The following LRRC4C variants were observed in gnomAD, a reference collection of about 807,000 sequenced individuals.
LRRC4C encodes the protein leucine rich repeat containing 4C.
LRRC4C carries 5 observed loss-of-function variants against 33.6 expected under a neutral mutation model. That is an observed-to-expected ratio of 0.15 (90% CI 0.08 to 0.31). The LOEUF is 0.31. Ranked by LOEUF, LRRC4C falls within the 10% of genes least tolerant of loss-of-function variation. The probability of loss-of-function intolerance (pLI) is 1.00; values close to 1 mark genes in which losing one functional copy is unlikely to be tolerated. For missense variants in LRRC4C, 560 were observed against 796.7 expected (o/e 0.70, Z 3.58); for synonymous variants, 329 against 302.0 (o/e 1.09, Z -0.93).
At chr11:40,635,627 A>AT (rs1963879177) in intron 3 of LRRC4C, among the ~76,000 whole-genome samples, 9 of 133,410 alleles carry the variant, frequency 6.7e-5, no homozygotes, top group Admixed American at 2.6e-4. Flanking sequence ...AAAAGAACCA[A>AT]ATTTTTTTTT....
intron 2 of LRRC4C, among the ~76,000 whole-genome samples, chr11:40,857,838 C>T (rs915532909): frequency 6.6e-6 from 1 of 151,836 alleles, no homozygotes; most frequent in African/African-American, 2.4e-5. Context: ...TTGCTTGAGC[C>T]CAGGAGGTCG....
At chr11:40,360,427 A>G (rs1947895543) in intron 3 of LRRC4C, among the ~76,000 whole-genome samples, 1 of 152,216 alleles carries the variant, frequency 6.6e-6, no homozygotes, top group East Asian at 1.9e-4. Flanking sequence ...ACGGATCAAT[A>G]GAAAGTAGCA....
intron 2 of LRRC4C, among the ~76,000 whole-genome samples, chr11:40,671,524 A>T (rs1006299035): frequency 6.6e-6 from 1 of 152,048 alleles, no homozygotes; most frequent in Non-Finnish European, 1.5e-5. Context: ...ATCATTGGCC[A>T]TCTTTCACTT....
chr11:41,366,178 CTAGATAGA>C (rs937740931), intron 1 of LRRC4C, among the ~76,000 whole-genome samples: 5 of 142,240 alleles, frequency 3.5e-5, no homozygotes, highest in Non-Finnish European at 3.0e-5. Context: ...GTTTATATAT[CTAGATAGA>C]TAGATAGATA....
At chr11:41,077,211 T>A (rs1469329870) in intron 1 of LRRC4C, among the ~76,000 whole-genome samples, 2 of 152,054 alleles carry the variant, frequency 1.3e-5, no homozygotes, top group East Asian at 3.9e-4. Flanking sequence ...CATTCTGGGG[T>A]CTTGAGGATG....
chr11:40,608,223 C>T (rs1256417798), intron 3 of LRRC4C, among the ~76,000 whole-genome samples: 1 of 152,066 alleles, frequency 6.6e-6, no homozygotes, highest in Non-Finnish European at 1.5e-5. Context: ...ATATTCAAAG[C>T]TGTAATTCGT....
intron 1 of LRRC4C, among the ~76,000 whole-genome samples, chr11:41,106,108 A>C (rs959280835): frequency 1.3e-5 from 2 of 152,088 alleles, no homozygotes; most frequent in Non-Finnish European, 2.9e-5. Context: ...TTCTTATTCA[A>C]TGTACTGTAA....
intron 3 of LRRC4C, among the ~76,000 whole-genome samples, chr11:40,579,323 T>TA (rs112873928): frequency 0.19 from 26,858 of 143,656 alleles, 2,760 homozygotes; most frequent in African/African-American, 0.28. Context: ...GAGACTCTGT[T>TA]AAAAAAAAAA....
chr11:40,272,564 T>G (rs756767810), intron 4 of LRRC4C, among the ~76,000 whole-genome samples: 25 of 152,098 alleles, frequency 1.6e-4, no homozygotes, highest in Non-Finnish European at 7.4e-5. Context: ...GGCAACTTTT[T>G]GTTAGTTTGT....
intron 1 of LRRC4C, among the ~76,000 whole-genome samples, chr11:41,438,712 T>A (rs1258509936): frequency 6.6e-6 from 1 of 152,160 alleles, no homozygotes; most frequent in Non-Finnish European, 1.5e-5. Flanking sequence ...GCTTTTCCAA[T>A]CTTATCACCA....
intron 1 of LRRC4C, among the ~76,000 whole-genome samples, chr11:41,075,046 G>GT (rs59948632): frequency 0.02 from 1,062 of 52,334 alleles, 11 homozygotes; most frequent in East Asian, 0.061. Context: ...TATTTTTAAT[G>GT]TTTTTTTTTT....
intron 2 of LRRC4C, among the ~76,000 whole-genome samples, chr11:40,859,671 T>C (rs1953977000): frequency 6.6e-6 from 1 of 152,174 alleles, no homozygotes; most frequent in South Asian, 2.1e-4. Flanking sequence ...GCAGAATTTT[T>C]CACACTCGCC....
At chr11:40,369,555 C>G (rs1948361155) in intron 3 of LRRC4C, among the ~76,000 whole-genome samples, 1 of 152,190 alleles carries the variant, frequency 6.6e-6, no homozygotes, top group Non-Finnish European at 1.5e-5. Context: ...TCAGGCTGGT[C>G]TCGAACTCCT....
At chr11:41,141,008 A>G (rs1943479812) in intron 1 of LRRC4C, among the ~76,000 whole-genome samples, 1 of 152,164 alleles carries the variant, frequency 6.6e-6, no homozygotes, top group Admixed American at 6.6e-5. Flanking sequence ...AGAAGAGGGA[A>G]TGTTTCCAGA....
chr11:41,317,332 T>C (rs1950826788), intron 1 of LRRC4C, among the ~76,000 whole-genome samples: 2 of 152,220 alleles, frequency 1.3e-5, no homozygotes, highest in African/African-American at 4.8e-5. Context: ...TTATGCATTT[T>C]AACTTTTACG....
At chr11:41,071,252 G>A (rs542205800) in intron 1 of LRRC4C, among the ~76,000 whole-genome samples, 1 of 152,068 alleles carries the variant, frequency 6.6e-6, no homozygotes, top group African/African-American at 2.4e-5. Flanking sequence ...CCTATTAGGG[G>A]GTGGGATGCA....
chr11:41,382,768 G>A (rs1457663401), intron 1 of LRRC4C, among the ~76,000 whole-genome samples: 1 of 152,132 alleles, frequency 6.6e-6, no homozygotes, highest in East Asian at 1.9e-4. Flanking sequence ...TGGCTAACTA[G>A]TAGAAAGGAG....
intron 1 of LRRC4C, among the ~76,000 whole-genome samples, chr11:41,224,079 T>G (rs903827148): frequency 6.6e-6 from 1 of 152,178 alleles, no homozygotes; most frequent in Non-Finnish European, 1.5e-5. Context: ...CCTGGTTTTT[T>G]GTCCTGGTTT....
chr11:40,878,266 G>T (rs1053571915), intron 2 of LRRC4C, among the ~76,000 whole-genome samples: 4 of 152,112 alleles, frequency 2.6e-5, no homozygotes, highest in African/African-American at 9.7e-5. Flanking sequence ...CCACAGTAAA[G>T]CCTGCCACCA....
Sources: gnomAD v4.1 joint callset for allele counts (sites outside exome capture counted in the v4.1 genomes callset) on GRCh38, gnomAD v4.1.1 for gene constraint, MANE v1.5 for transcripts, NCBI Gene and HGNC (gene_info 2026-07-23, HGNC 2026-07-21) for gene names.